ADCY2: variants seen among roughly 807,000 people sequenced by gnomAD.
ADCY2 encodes the protein adenylate cyclase type 2.
ADCY2 carries 31 observed loss-of-function variants against 125.2 expected under a neutral mutation model. The ratio of observed to expected loss-of-function variants is 0.25; its 90% CI spans 0.19 to 0.33. ADCY2 has a LOEUF of 0.33. Ranked by LOEUF, ADCY2 falls within the 10% of genes least tolerant of loss-of-function variation. ADCY2 has a pLI of 1.00. For synonymous variants in ADCY2, 512 were observed against 548.4 expected (o/e 0.93, Z 0.93); for missense variants, 904 against 1,418.2 (o/e 0.64, Z 5.82).
Position 7,396,893 on chromosome 5 carries a change from TC to T in ADCY2, c.210+388del, listed in dbSNP as rs1234183858. Among the ~76,000 whole-genome samples the T allele has an allele frequency of 6.6e-6, 1 of 152,106 alleles. No individual in the cohort carries two copies. The highest frequency in any genetic ancestry group is 1.5e-5 in the Non-Finnish European group (1 of 68,014). On this transcript the variant is annotated intron_variant, in intron 1 of 24. Transcript: ENST00000338316. This position sits in a 1 kb window ranked among gnomAD's most constrained non-coding sequence, Gnocchi z 5.7. ...CTCAGCCCTGGGCTTCCTGGGCGAG[TC>T]GCTGTCTCCTGCCCGGTTCCACTGG... is the stretch of plus-strand genomic sequence containing the variant.
Position 7,789,810 on chromosome 5 carries a change from G to C in ADCY2, c.2628+10G>C, listed in dbSNP as rs1287500901. 10 of 1,526,464 alleles carry C rather than the reference G, an allele frequency of 6.6e-6. No individual in the cohort carries two copies. Among genetic ancestry groups the C allele is most frequent in the Non-Finnish European group, 8.8e-6 (10 of 1,140,972 alleles). The allele number at this position is 1,526,464 out of a possible 1,614,324, so 94.6% of individuals were successfully genotyped here. The stretch of plus-strand genomic sequence containing the variant: ...GAGCCTGAAGAATGAGGTCAGACCA[G>C]GGGGGCTGGGGGCTGGGGGAGGGGG... On this transcript the variant is annotated intron_variant, in intron 20 of 24. Coordinates refer to ENST00000338316, the MANE Select transcript of ADCY2 (RefSeq NM_020546.3).
chr5:7,494,392 C>T (rs76856680), intron 2 of ADCY2, among the ~76,000 whole-genome samples: 7,290 of 152,130 alleles, frequency 0.048, 606 homozygotes, highest in African/African-American at 0.17. Context: ...CTTTGGCTTC[C>T]CCTTCTCTCT....
intron 3 of ADCY2, among the ~76,000 whole-genome samples, chr5:7,557,192 G>GATATATAGATAT (rs1204974635): frequency 6.2e-5 from 5 of 80,742 alleles, no homozygotes; most frequent in Non-Finnish European, 7.4e-5. Flanking sequence ...TTATATATGT[G>GATATATAGATAT]ATATATATAA....
At chr5:7,751,816 C>T (rs1742833623) in intron 15 of ADCY2, among the ~76,000 whole-genome samples, 2 of 152,128 alleles carry the variant, frequency 1.3e-5, no homozygotes, top group Admixed American at 6.5e-5. Context: ...TAGCCTGAGT[C>T]CTGATCCAGG....
At chr5:7,789,057 G>T (rs746918237) in intron 19 of ADCY2, among the ~76,000 whole-genome samples, 1 of 152,098 alleles carries the variant, frequency 6.6e-6, no homozygotes, top group African/African-American at 2.4e-5. Flanking sequence ...TTACTAACAG[G>T]CACTATCTTA....
chr5:7,640,044 G>A (rs1217107010), intron 4 of ADCY2, among the ~76,000 whole-genome samples: 1 of 152,146 alleles, frequency 6.6e-6, no homozygotes, highest in Non-Finnish European at 1.5e-5. Flanking sequence ...CAGATCTGAG[G>A]AAGAACAAGC....
chr5:7,786,871 C>T (rs891714082), intron 19 of ADCY2, among the ~76,000 whole-genome samples: 5 of 152,172 alleles, frequency 3.3e-5, no homozygotes, highest in Non-Finnish European at 7.3e-5. Context: ...CTTCTGTCTA[C>T]GTAGAAAGAT....
In ADCY2 at chr5:7,620,901, A is replaced by G. The variant is rs1480551321; in HGVS notation, c.571-5266A>G. On this transcript the variant is annotated intron_variant, in intron 3 of 24. Coordinates refer to ENST00000338316, the MANE Select transcript of ADCY2 (RefSeq NM_020546.3). Reference sequence around the variant, plus strand: ...CACTGTGCAGTTAGTTCATAGAAAAAAAAAAAAACTGTCATTAAGTGATGG... The same window carrying G: ...CACTGTGCAGTTAGTTCATAGAAAAGAAAAAAAACTGTCATTAAGTGATGG... 2.0e-5 allele frequency among the ~76,000 whole-genome samples: 3 copies of G among 152,062 alleles called. No homozygotes were observed. In the East Asian group the frequency reaches 5.8e-4, roughly 29 times the overall value.
chr5:7,602,388 T>G (rs527550358), intron 3 of ADCY2, among the ~76,000 whole-genome samples: 1 of 152,324 alleles, frequency 6.6e-6, no homozygotes, highest in East Asian at 1.9e-4. Context: ...GGCTCTTTCT[T>G]GAATGTTCCA....
intron 23 of ADCY2, 129 bp from the exon 24 acceptor site, chr5:7,820,436 G>C (rs1745261087): frequency 4.1e-6 from 5 of 1,208,090 alleles, no homozygotes; most frequent in Middle Eastern, 3.0e-4. Context: ...GAAGGTTGCA[G>C]TCAGCCAAGA....
chr5:7,505,224 A>C (rs575110604), intron 2 of ADCY2, among the ~76,000 whole-genome samples: 8 of 152,272 alleles, frequency 5.3e-5, no homozygotes, highest in Middle Eastern at 3.4e-3. Context: ...TTAAGTGTGT[A>C]GTTTTTATTG....
intron 3 of ADCY2, among the ~76,000 whole-genome samples, chr5:7,543,198 A>G (rs968558394): frequency 1.4e-4 from 22 of 152,214 alleles, no homozygotes; most frequent in African/African-American, 5.1e-4. Flanking sequence ...CAATCTTCTT[A>G]TAAGGTATCA....
intron 13 of ADCY2, among the ~76,000 whole-genome samples, chr5:7,724,945 A>C (rs1458970073): frequency 2.0e-5 from 3 of 152,216 alleles, no homozygotes; most frequent in South Asian, 2.1e-4. Context: ...CTTAAAAAAA[A>C]CAGAATTCTT....
chr5:7,432,972 G>A (rs114058842), intron 2 of ADCY2, among the ~76,000 whole-genome samples: 14 of 151,094 alleles, frequency 9.3e-5, no homozygotes, highest in African/African-American at 3.4e-4. Flanking sequence ...GGTGTAAGAT[G>A]GTGTATAGGA....
intron 4 of ADCY2, among the ~76,000 whole-genome samples, chr5:7,631,246 CA>C (rs1447781699): frequency 3.9e-5 from 6 of 152,204 alleles, no homozygotes; most frequent in Non-Finnish European, 8.8e-5. Flanking sequence ...ATCACATCCA[CA>C]AAATCCCTGG....
intron 4 of ADCY2, among the ~76,000 whole-genome samples, chr5:7,673,269 A>AAAATATATATATAT (rs1554030659): frequency 2.5e-4 from 1 of 3,932 alleles, no homozygotes; most frequent in Non-Finnish European, 5.5e-4. Context: ...AAAAAAAAAA[A>AAAATATATATATAT]ATATATATAT....
chr5:7,439,720 C>A (rs1021217589), intron 2 of ADCY2, among the ~76,000 whole-genome samples: 1 of 152,100 alleles, frequency 6.6e-6, no homozygotes, highest in African/African-American at 2.4e-5. Flanking sequence ...GTTCCAGAGT[C>A]CATATTTTAT....
intron 16 of ADCY2, among the ~76,000 whole-genome samples, chr5:7,758,306 C>T (rs115648940): frequency 0.029 from 4,359 of 152,186 alleles, 204 homozygotes; most frequent in African/African-American, 0.099. Context: ...CGGTTATCTC[C>T]CCCACAATAG....
At chr5:7,636,429 G>C (rs1316043334) in intron 4 of ADCY2, among the ~76,000 whole-genome samples, 3 of 152,222 alleles carry the variant, frequency 2.0e-5, no homozygotes, top group African/African-American at 7.2e-5. Context: ...AGTGTGGGTG[G>C]GATACCTGTG....
Sources: allele counts gnomAD v4.1 joint callset (sites outside exome capture counted in the v4.1 genomes callset), GRCh38; gene constraint gnomAD v4.1.1; non-coding constraint Gnocchi (gnomAD v3.1); transcripts MANE v1.5; gene names NCBI Gene and HGNC (gene_info 2026-07-23, HGNC 2026-07-21).